INTS4: variants seen among roughly 807,000 people sequenced by gnomAD.
The protein encoded by INTS4 is MSTP093.
INTS4 carries 70 observed loss-of-function variants against 119.5 expected under a neutral mutation model. The ratio of observed to expected loss-of-function variants is 0.59; its 90% CI spans 0.48 to 0.71. INTS4 has a LOEUF of 0.71. Ranked by LOEUF, INTS4 falls within the 30% of genes least tolerant of loss-of-function variation. The probability of loss-of-function intolerance (pLI) is 0.00; values close to 1 mark genes in which losing one functional copy is unlikely to be tolerated. For missense variants in INTS4, 867 were observed against 1,173.2 expected, an observed-to-expected ratio of 0.74 and a Z score of 3.81; for synonymous variants, 316 against 419.6, an observed-to-expected ratio of 0.75 and a Z score of 3.02.
intron 15 of INTS4, among the ~76,000 whole-genome samples, chr11:77,911,542 C>T (rs1953088999): frequency 6.6e-6 from 1 of 152,224 alleles, no homozygotes; most frequent in African/African-American, 2.4e-5. Flanking sequence ...GGAATTGTAG[C>T]AGTTGTTCTG....
chr11:77,920,545 T>C (rs181919686), intron 14 of INTS4, among the ~76,000 whole-genome samples: 6 of 152,176 alleles, frequency 3.9e-5, no homozygotes, highest in African/African-American at 1.2e-4. Context: ...CATAGCTATA[T>C]GTAATAGTTA....
chr11:77,991,798 C>G (rs1426127528), intron 1 of INTS4, among the ~76,000 whole-genome samples: 2 of 152,188 alleles, frequency 1.3e-5, no homozygotes, highest in East Asian at 3.9e-4. Context: ...GACACTGTCG[C>G]CCAGGCAGGA....
intron 14 of INTS4, 92 bp from the exon 15 acceptor site, chr11:77,919,070 A>G: frequency 1.5e-6 from 2 of 1,359,462 alleles, no homozygotes; most frequent in Non-Finnish European, 2.1e-6. Context: ...TAAAAACGTG[A>G]GCTAAACAAA....
At chr11:77,890,785 T>A (rs577158034) in intron 21 of INTS4, among the ~76,000 whole-genome samples, 1 of 152,336 alleles carries the variant, frequency 6.6e-6, no homozygotes, top group South Asian at 2.1e-4. Context: ...AATGAAGTAG[T>A]AGTACTCTTT....
At chr11:77,903,120 T>C (rs1477040111) in intron 17 of INTS4, among the ~76,000 whole-genome samples, 1 of 152,206 alleles carries the variant, frequency 6.6e-6, no homozygotes, top group Non-Finnish European at 1.5e-5. Flanking sequence ...TTAAGTAACT[T>C]GCTCAATATC....
In INTS4 at chr11:77,928,554, A is replaced by G; in HGVS notation, c.1166-7T>C. Reference sequence around the variant, plus strand: ...ACAGCAGCAATACGAACCTCTAGAAAAAAGAACAAATGAAATTGCACATCA... The same window carrying G: ...ACAGCAGCAATACGAACCTCTAGAAGAAAGAACAAATGAAATTGCACATCA... On this transcript the variant is annotated splice_polypyrimidine_tract_variant and splice_region_variant and intron_variant, in intron 10 of 22. Coordinates refer to ENST00000534064, the MANE Select transcript of INTS4 (RefSeq NM_033547.4). 6.4e-7 allele frequency: 1 copy of G among 1,556,724 alleles called. No individual in the cohort carries two copies. The highest frequency in any genetic ancestry group is 8.7e-7 in the Non-Finnish European group (1 of 1,149,554).
intron 1 of INTS4, among the ~76,000 whole-genome samples, chr11:77,993,079 T>C (rs969011916): frequency 2.6e-5 from 4 of 152,140 alleles, no homozygotes; most frequent in African/African-American, 9.7e-5. Context: ...AAGTATTATA[T>C]AAGGGAGAGG....
chr11:77,988,942 G>A (rs746414747), intron 2 of INTS4, among the ~76,000 whole-genome samples: 3 of 152,126 alleles, frequency 2.0e-5, no homozygotes, highest in Non-Finnish European at 4.4e-5. Flanking sequence ...TTTGCATTTT[G>A]ATTTGAATAC....
intron 4 of INTS4, among the ~76,000 whole-genome samples, chr11:77,970,006 G>T (rs537035971): frequency 5.8e-4 from 88 of 152,238 alleles, no homozygotes; most frequent in Non-Finnish European, 1.1e-3. Flanking sequence ...TCTTTTTAAT[G>T]GGCAAATAAT....
At chr11:77,978,975 G>A in intron 4 of INTS4, 21 bp downstream of exon 4, 1 of 1,479,700 alleles carries the variant, frequency 6.8e-7, no homozygotes, top group South Asian at 1.1e-5. Context: ...GGATGGATCT[G>A]AATAGATTTT....
At position 77,901,512 on chromosome 11, in the gene INTS4, C is replaced by T; in HGVS notation, c.2137G>A (p.Gly713Ser). 1 of 1,612,154 alleles carries T rather than the reference C, an allele frequency of 6.2e-7. No homozygotes were observed. The highest frequency in any genetic ancestry group is 8.5e-7 in the Non-Finnish European group (1 of 1,178,234). Residue 713 changes from glycine (G) to serine (S), a missense_variant, in exon 18 of 23, where the codon GGT becomes AGT. Physicochemically the swap from Gly to Ser is moderately conservative, Grantham distance 56. Coordinates refer to ENST00000534064, the MANE Select transcript of INTS4 (RefSeq NM_033547.4). ...ATCACCACCTGCTTATTCTCCACAC[C>T]ACTGTACATGAATTCCATTTTGTAG... ...ETYKMEFMYS[G>S]VENKQVVIIH...
rs752676478 is a variant in INTS4 at position 77,981,529 on chromosome 11, T to C, written c.294A>G (p.Leu98=). The change falls in exon 3 of 23, where the codon TTA becomes TTG. Residue 98 remains leucine, a synonymous_variant. Transcript: ENST00000534064. The part of the protein sequence containing the change: ...VRLKIASLLG[L]LSKTAGFSPD... ...GTGAAAATCCTGCTGTCTTTGATAA[T>C]AAACCCAACAATGATGCAATTTTCA... is the stretch of plus-strand genomic sequence containing the variant. 2.5e-6 allele frequency: 4 copies of C among 1,586,086 alleles called. No individual in the cohort carries two copies. Among genetic ancestry groups the C allele is most frequent in the Non-Finnish European group, 3.4e-6 (4 of 1,165,108 alleles).
At chr11:77,902,485 GA>G (rs1477375808) in intron 17 of INTS4, among the ~76,000 whole-genome samples, 2 of 152,158 alleles carry the variant, frequency 1.3e-5, no homozygotes, top group East Asian at 3.8e-4. Flanking sequence ...CACTGTAGTA[GA>G]AAACAGATTC....
At chr11:77,903,272 T>C (rs373362221) in intron 17 of INTS4, among the ~76,000 whole-genome samples, 7 of 152,242 alleles carry the variant, frequency 4.6e-5, no homozygotes, top group African/African-American at 9.6e-5. Context: ...AGCAGAGGTA[T>C]AGAGCTACAG....
At chr11:77,970,725 A>T (rs1855696426) in intron 4 of INTS4, among the ~76,000 whole-genome samples, 1 of 152,064 alleles carries the variant, frequency 6.6e-6, no homozygotes, top group Non-Finnish European at 1.5e-5. Flanking sequence ...GCTACTTGGG[A>T]GGCTGAGGCA....
chr11:77,957,544 T>G (rs1954359699), intron 7 of INTS4, among the ~76,000 whole-genome samples: 1 of 148,734 alleles, frequency 6.7e-6, no homozygotes, highest in Non-Finnish European at 1.5e-5. Flanking sequence ...AGCAAGACCC[T>G]GCCTTAAAAA....
Position 77,938,757 on chromosome 11 carries a change from C to G in INTS4, c.1059G>C (p.Lys353Asn), listed in dbSNP as rs569921753. ...CTTCCTTGGGAGCATCATCTCCCCA[C>G]TTTCTGCCACTGGAAAACTCCCCCG... ...YSSGEFSSGR[K>N]WGDDAPKEEV... The change falls in exon 10 of 23, where the codon AAG becomes AAC. Residue 353 changes from lysine to asparagine, a missense_variant. Coordinates refer to ENST00000534064, the MANE Select transcript of INTS4 (RefSeq NM_033547.4). 3.1e-6 allele frequency: 5 copies of G among 1,612,074 alleles called. No homozygotes were observed. Among genetic ancestry groups the G allele is most frequent in the Non-Finnish European group, 4.2e-6 (5 of 1,179,876 alleles).
chr11:77,911,361 C>A (rs1402855545), intron 15 of INTS4, among the ~76,000 whole-genome samples: 2 of 152,146 alleles, frequency 1.3e-5, no homozygotes, highest in Non-Finnish European at 2.9e-5. Context: ...CTCTTCCTTT[C>A]GCTTCTCTGA....
chr11:77,990,150 C>T (rs757390651), intron 2 of INTS4, among the ~76,000 whole-genome samples: 6 of 146,662 alleles, frequency 4.1e-5, no homozygotes, highest in East Asian at 4.0e-4. Flanking sequence ...ACCAAAGAGA[C>T]GGAGGTTGCA....
Sources: allele counts gnomAD v4.1 joint callset (sites outside exome capture counted in the v4.1 genomes callset), GRCh38; gene constraint gnomAD v4.1.1; transcripts MANE v1.5; gene names NCBI Gene and HGNC (gene_info 2026-07-23, HGNC 2026-07-21).